FUT9: variants seen among roughly 807,000 people sequenced by gnomAD.
The protein encoded by FUT9 is fucosyltransferase 9.
Under a neutral mutation model 29.7 loss-of-function variants are expected in FUT9, and 15 were observed. The ratio of observed to expected loss-of-function variants is 0.51; its 90% CI spans 0.34 to 0.78. FUT9 has a LOEUF of 0.78. FUT9 is among the 30% of genes least tolerant of loss of function. The pLI, the probability that FUT9 is intolerant of heterozygous loss-of-function variation, is 0.01. For synonymous variants in FUT9, 169 were observed against 153.7 expected (o/e 1.10, Z -0.74); for missense variants, 319 against 425.4 (o/e 0.75, Z 2.20).
intron 1 of FUT9, among the ~76,000 whole-genome samples, chr6:96,016,998 A>C (rs894290591): frequency 6.6e-6 from 1 of 152,230 alleles, no homozygotes; most frequent in Non-Finnish European, 1.5e-5. Context: ...GTCTTAGCTG[A>C]GTACAGGAAA....
chr6:96,108,874 C>T (rs1384762047), intron 1 of FUT9, among the ~76,000 whole-genome samples: 1 of 152,138 alleles, frequency 6.6e-6, no homozygotes, highest in Non-Finnish European at 1.5e-5. Flanking sequence ...CAGTTCATTT[C>T]TCTTTTTCCC....
intron 2 of FUT9, among the ~76,000 whole-genome samples, chr6:96,124,153 CTTTTTT>C (rs35122970): frequency 8.0e-6 from 1 of 125,062 alleles, no homozygotes; most frequent in African/African-American, 3.0e-5. Context: ...TTTCTTTTTT[CTTTTTT>C]TTTTTTTTTT....
intron 2 of FUT9, among the ~76,000 whole-genome samples, chr6:96,189,844 T>G (rs1263498820): frequency 6.6e-6 from 1 of 152,162 alleles, no homozygotes; most frequent in African/African-American, 2.4e-5. Flanking sequence ...CACTCATGGG[T>G]CTTGACTCTT....
At chr6:96,060,437 T>C (rs1182511908) in intron 1 of FUT9, among the ~76,000 whole-genome samples, 1 of 152,220 alleles carries the variant, frequency 6.6e-6, no homozygotes, top group Non-Finnish European at 1.5e-5. Context: ...ATTGACATAA[T>C]ACATTTTTTG....
chr6:96,046,245 C>A (rs1442157474), intron 1 of FUT9, among the ~76,000 whole-genome samples: 2 of 105,452 alleles, frequency 1.9e-5, no homozygotes, highest in Admixed American at 9.0e-5. Flanking sequence ...ACACACACAC[C>A]CCTGAAGCAA....
intron 2 of FUT9, among the ~76,000 whole-genome samples, chr6:96,129,100 A>AT (rs1408399560): frequency 9.7e-6 from 1 of 103,376 alleles, no homozygotes; most frequent in African/African-American, 3.0e-5. Context: ...TACTAAAAAT[A>AT]CAAAAAAAAA....
At chr6:96,162,653 A>G (rs1772934013) in intron 2 of FUT9, among the ~76,000 whole-genome samples, 2 of 152,216 alleles carry the variant, frequency 1.3e-5, no homozygotes. Context: ...AAAACCACAC[A>G]TTAATGTTTA....
chr6:96,041,491 C>T (rs971437332), intron 1 of FUT9, among the ~76,000 whole-genome samples: 1 of 152,014 alleles, frequency 6.6e-6, no homozygotes, highest in Non-Finnish European at 1.5e-5. Flanking sequence ...GATTTCCTTC[C>T]AACATCCCAT....
intron 2 of FUT9, among the ~76,000 whole-genome samples, chr6:96,146,246 T>C (rs1772565249): frequency 6.6e-6 from 1 of 152,148 alleles, no homozygotes; most frequent in African/African-American, 2.4e-5. Context: ...GGGGCTACTC[T>C]GGGCCATGCA....
At chr6:96,106,618 AC>A (rs1197450312) in intron 1 of FUT9, among the ~76,000 whole-genome samples, 2 of 152,170 alleles carry the variant, frequency 1.3e-5, no homozygotes, top group Non-Finnish European at 2.9e-5. Context: ...GAATTAAAAC[AC>A]CATCTGAATA....
At chr6:96,032,876 T>C (rs1770288384) in intron 1 of FUT9, among the ~76,000 whole-genome samples, 1 of 151,572 alleles carries the variant, frequency 6.6e-6, no homozygotes, top group African/African-American at 2.4e-5. Flanking sequence ...ATGCTTTTAT[T>C]CCTAATGGCA....
intron 2 of FUT9, among the ~76,000 whole-genome samples, chr6:96,184,823 C>A (rs1773375474): frequency 6.6e-6 from 1 of 151,932 alleles, no homozygotes; most frequent in Non-Finnish European, 1.5e-5. Flanking sequence ...AGAGAAGCAT[C>A]TCTATTTTAT....
chr6:96,171,624 C>T (rs1773114660), intron 2 of FUT9, among the ~76,000 whole-genome samples: 1 of 152,146 alleles, frequency 6.6e-6, no homozygotes, highest in Admixed American at 6.6e-5. Flanking sequence ...TATCTCAATG[C>T]ATGACTCTTA....
intron 1 of FUT9, among the ~76,000 whole-genome samples, chr6:96,091,223 T>C (rs1006808474): frequency 1.3e-4 from 20 of 152,116 alleles, no homozygotes; most frequent in African/African-American, 4.8e-4. Context: ...TTCAAAGCGT[T>C]ATTTACGTAT....
intron 1 of FUT9, among the ~76,000 whole-genome samples, chr6:96,022,191 G>A (rs1342276179): frequency 6.6e-6 from 1 of 152,018 alleles, no homozygotes; most frequent in African/African-American, 2.4e-5. Context: ...GACCTGTAGA[G>A]AGCCAACTGA....
At chr6:96,031,236 T>G (rs560184136) in intron 1 of FUT9, among the ~76,000 whole-genome samples, 3 of 151,694 alleles carry the variant, frequency 2.0e-5, no homozygotes, top group African/African-American at 7.2e-5. Context: ...TTTGAGTGTA[T>G]GTGTGTAAAC....
chr6:96,206,358 A>G lies in FUT9; in HGVS notation c.*2123A>G, dbSNP rs1315248871. ...TATTTAATTAATTGGTAAGACAGTC[A>G]AATTCATACATTTACATTTACTTTG... On this transcript the variant is annotated 3_prime_UTR_variant, in exon 3 of 3. Coordinates refer to ENST00000302103, the MANE Select transcript of FUT9 (RefSeq NM_006581.4). 6.0e-6 allele frequency: 1 copy of G among 167,118 alleles called. No homozygotes were observed. Among genetic ancestry groups the G allele is most frequent in the South Asian group, 2.1e-4 (1 of 4,838 alleles). The allele number at this position is 167,118 out of a possible 1,614,324, so 10.4% of individuals were successfully genotyped here.
At chr6:96,071,028 G>A (rs1371974709) in intron 1 of FUT9, among the ~76,000 whole-genome samples, 3 of 152,182 alleles carry the variant, frequency 2.0e-5, no homozygotes, top group East Asian at 3.9e-4. Context: ...CTCTCAAAAT[G>A]AGTTGATGAA....
intron 2 of FUT9, among the ~76,000 whole-genome samples, chr6:96,123,893 T>G (rs1446743434): frequency 6.6e-6 from 1 of 151,798 alleles, no homozygotes; most frequent in Admixed American, 6.6e-5. Flanking sequence ...AACTTGTTTT[T>G]AATGCAATCT....
Sources: allele counts gnomAD v4.1 joint callset (sites outside exome capture counted in the v4.1 genomes callset), GRCh38; gene constraint gnomAD v4.1.1; transcripts MANE v1.5; gene names NCBI Gene and HGNC (gene_info 2026-07-23, HGNC 2026-07-21).